The following CRTC3 variants were observed in gnomAD, a reference collection of about 807,000 sequenced individuals.
CRTC3 encodes the protein CREB-regulated transcription coactivator 3.
CRTC3 carries 26 observed loss-of-function variants against 74.5 expected under a neutral mutation model. The observed-to-expected ratio is 0.35, with a 90% CI of 0.26 to 0.48. The LOEUF is 0.48. CRTC3 is among the 20% of genes least tolerant of loss of function. The pLI is 0.99. For missense variants in CRTC3, 760 were observed against 787.3 expected (o/e 0.97, Z 0.41); for synonymous variants, 377 against 325.8 (o/e 1.16, Z -1.69).
At chr15:90,612,082 GCCTCCT>G (rs1392817127) in intron 6 of CRTC3, among the ~76,000 whole-genome samples, 1 of 84,998 alleles carries the variant, frequency 1.2e-5, no homozygotes, top group Admixed American at 1.7e-4. Context: ...CTCCTCCTCC[GCCTCCT>G]CCTCCGCCTC....
rs1324856307 is a variant in CRTC3, at chr15:90,645,119, T to G, written c.*2979T>G. 4.3e-6 allele frequency: 1 copy of G among 230,188 alleles called. No homozygotes were observed. The highest frequency in any genetic ancestry group is 2.2e-5 in the African/African-American group (1 of 45,270). 14.3% of individuals were successfully genotyped at this position (230,188 alleles called of 1,614,324 possible). On this transcript the variant is annotated 3_prime_UTR_variant, in exon 15 of 15. Coordinates refer to ENST00000268184, the MANE Select transcript of CRTC3 (RefSeq NM_022769.5). ...CAGACCTTTCCTGTTCCCACTCTTGTTGGCTCTTCTGATTTATGCACAGAT... is the reference window on the plus strand; with the variant it reads ...CAGACCTTTCCTGTTCCCACTCTTGGTGGCTCTTCTGATTTATGCACAGAT...
intron 3 of CRTC3, chr15:90,600,560 TC>T (rs960016737): frequency 4.6e-5 from 7 of 152,218 alleles, no homozygotes; most frequent in African/African-American, 1.7e-4. Context: ...TGACCCCTGA[TC>T]CACCAGGCGT....
In CRTC3 at chr15:90,589,616, C is replaced by A. The variant is rs1199036484; in HGVS notation, c.232-4020C>A. Among the ~76,000 whole-genome samples the A allele has an allele frequency of 2.0e-5, 3 of 152,224 alleles. 1 individual carries two copies. Among genetic ancestry groups the A allele is most frequent in the Admixed American group, 2.0e-4 (3 of 15,282 alleles). On this transcript the variant is annotated intron_variant, in intron 2 of 14. Transcript: ENST00000268184. Reference sequence around the variant, plus strand: ...CTCAAGTGACCCTCCCCTTTGGCCTCCCGCAATGCTAGGATTATAGGCGTG... The same window carrying A: ...CTCAAGTGACCCTCCCCTTTGGCCTACCGCAATGCTAGGATTATAGGCGTG...
intron 5 of CRTC3, among the ~76,000 whole-genome samples, chr15:90,605,660 G>A (rs1425053610): frequency 2.6e-5 from 4 of 152,068 alleles, no homozygotes; most frequent in Non-Finnish European, 5.9e-5. Flanking sequence ...CAGCGGCCAC[G>A]CTCTTTCTGT....
intron 11 of CRTC3, among the ~76,000 whole-genome samples, chr15:90,636,355 C>T (rs11073943): frequency 0.84 from 102,729 of 122,394 alleles, 42,806 homozygotes; most frequent in Middle Eastern, 0.94. Flanking sequence ...GCTAGCCATA[C>T]GTAGAAAGCT....
intron 1 of CRTC3, among the ~76,000 whole-genome samples, chr15:90,531,426 C>T (rs970462956): frequency 6.6e-6 from 1 of 152,010 alleles, no homozygotes; most frequent in African/African-American, 2.4e-5. Flanking sequence ...GTCACAGTCC[C>T]CCAAGGGGAG....
intron 2 of CRTC3, among the ~76,000 whole-genome samples, chr15:90,557,613 C>CT (rs918923098): frequency 2.0e-5 from 3 of 152,088 alleles, no homozygotes; most frequent in Admixed American, 6.6e-5. Flanking sequence ...TGAGATCACC[C>CT]TGGTAATATG....
In CRTC3 at chr15:90,643,659, C is replaced by T; in HGVS notation, c.*1519C>T. 1 of 230,272 alleles carries T rather than the reference C, an allele frequency of 4.3e-6. No individual in the cohort carries two copies. The highest frequency in any genetic ancestry group is 8.5e-6 in the Non-Finnish European group (1 of 117,600). 14.3% of individuals were successfully genotyped at this position (230,272 alleles called of 1,614,324 possible). A position where few individuals can be genotyped will look rare whatever the true frequency, so the allele number is the denominator to read the frequency against. Reference sequence around the variant, plus strand: ...TCATAAAATAGATGGGCCAGATTTCCACCACCGCCTGCCTCCTCTAACTTG... The same window carrying T: ...TCATAAAATAGATGGGCCAGATTTCTACCACCGCCTGCCTCCTCTAACTTG... On this transcript the variant is annotated 3_prime_UTR_variant, in exon 15 of 15. Transcript: ENST00000268184.
chr15:90,598,287 G>GGT lies in CRTC3; in HGVS notation c.352-4037_352-4036insGT. The stretch of plus-strand genomic sequence containing the variant: ...TGCTCACCCAGCCGCAGGTCAAGCA[G>GGT]CACAAAGAAAGGGCCAGGGCGGGTC... On this transcript the variant is annotated intron_variant, in intron 3 of 14. Transcript: ENST00000268184. 7 of 615,592 alleles carry GGT rather than the reference G, an allele frequency of 1.1e-5. No homozygotes were observed. The South Asian group carries it at 1.3e-4, about 12-fold the overall frequency. The allele number at this position is 615,592 out of a possible 1,614,324, so 38.1% of individuals were successfully genotyped here.
chr15:90,544,114 C>T (rs954849897), intron 2 of CRTC3, among the ~76,000 whole-genome samples: 2 of 152,194 alleles, frequency 1.3e-5, no homozygotes, highest in African/African-American at 4.8e-5. Context: ...AGTTGGAAAT[C>T]AGCATGGTGT....
intron 2 of CRTC3, among the ~76,000 whole-genome samples, chr15:90,548,309 A>T (rs1966848206): frequency 6.6e-6 from 1 of 152,176 alleles, no homozygotes; most frequent in South Asian, 2.1e-4. Context: ...TGTGTAACTG[A>T]GGGCTTTTAA....
intron 2 of CRTC3, among the ~76,000 whole-genome samples, chr15:90,559,006 C>T (rs1281025549): frequency 6.6e-6 from 1 of 152,112 alleles, no homozygotes; most frequent in African/African-American, 2.4e-5. Flanking sequence ...CCCGCCTTGG[C>T]TTCCCAAAGT....
intron 9 of CRTC3, among the ~76,000 whole-genome samples, chr15:90,624,279 T>G (rs926938566): frequency 6.6e-6 from 1 of 152,072 alleles, no homozygotes; most frequent in South Asian, 2.1e-4. Flanking sequence ...CCTGGACCAC[T>G]GCAGGTGGTC....
intron 11 of CRTC3, among the ~76,000 whole-genome samples, chr15:90,633,813 T>A: frequency 6.6e-6 from 1 of 152,164 alleles, no homozygotes; most frequent in Non-Finnish European, 1.5e-5. Flanking sequence ...CCTTGTTTGT[T>A]TGTTTTGCTT....
intron 14 of CRTC3, among the ~76,000 whole-genome samples, chr15:90,641,431 C>T (rs1420102797): frequency 6.6e-6 from 1 of 152,200 alleles, no homozygotes; most frequent in African/African-American, 2.4e-5. Flanking sequence ...AGTGCGGTGG[C>T]TCACGCCTGT....
chr15:90,620,060 C>G (rs1337493354), intron 9 of CRTC3: 2 of 397,428 alleles, frequency 5.0e-6, no homozygotes, highest in East Asian at 1.1e-4. Context: ...ACACAACTCT[C>G]CGGGTAGAAG....
At chr15:90,589,376 G>A (rs1171034655) in intron 2 of CRTC3, among the ~76,000 whole-genome samples, 1 of 152,100 alleles carries the variant, frequency 6.6e-6, no homozygotes, top group African/African-American at 2.4e-5. Context: ...TTAAGAGACA[G>A]GGTCTTGTTC....
At chr15:90,575,630 T>A (rs1177477808) in intron 2 of CRTC3, among the ~76,000 whole-genome samples, 1 of 152,212 alleles carries the variant, frequency 6.6e-6, no homozygotes, top group African/African-American at 2.4e-5. Context: ...TCTCATAGTT[T>A]GATTGGATTT....
chr15:90,534,619 A>T (rs1014204762), intron 1 of CRTC3, among the ~76,000 whole-genome samples: 1 of 152,170 alleles, frequency 6.6e-6, no homozygotes, highest in Non-Finnish European at 1.5e-5. Context: ...ATTTTATAGT[A>T]AAATCTGGAC....
Sources: allele counts gnomAD v4.1 joint callset (sites outside exome capture counted in the v4.1 genomes callset), GRCh38; gene constraint gnomAD v4.1.1; transcripts MANE v1.5; gene names NCBI Gene and HGNC (gene_info 2026-07-23, HGNC 2026-07-21).